The following TAF1 variants were observed in gnomAD, a reference collection of about 807,000 sequenced individuals.
TAF1 encodes TATA-box binding protein associated factor 1.
A neutral mutation model predicts 138.5 loss-of-function variants in TAF1; 2 were observed. The ratio of observed to expected loss-of-function variants is 0.01; its 90% confidence interval spans 0.01 to 0.05. The LOEUF is 0.05. TAF1 is among the 10% of genes least tolerant of loss of function. The probability of loss-of-function intolerance (pLI) is 1.00; values close to 1 mark genes in which losing one functional copy is unlikely to be tolerated. For synonymous variants in TAF1, 437 were observed against 503.2 expected, an observed-to-expected ratio of 0.87 and a Z score of 1.76; for missense variants, 709 against 1,478.0, an observed-to-expected ratio of 0.48 and a Z score of 8.53.
intron 4 of TAF1, among the ~76,000 whole-genome samples, chrX:71,375,916 G>A (rs2033440644): frequency 8.9e-6 from 1 of 112,720 alleles, no homozygotes; most frequent in South Asian, 3.6e-4. Context: ...ACTGGTATTT[G>A]GAAACTACTT....
intron 13 of TAF1, among the ~76,000 whole-genome samples, chrX:71,476,890 A>G (rs1030186534): frequency 1.8e-4 from 20 of 111,002 alleles, no homozygotes; most frequent in Non-Finnish European, 3.4e-4. Flanking sequence ...ACATCACGCA[A>G]AAATCAATCT....
intron 28 of TAF1, among the ~76,000 whole-genome samples, chrX:71,411,431 A>T (rs1043271139): frequency 1.8e-5 from 2 of 111,326 alleles, no homozygotes; most frequent in Non-Finnish European, 3.8e-5. Context: ...GTGAACCAAG[A>T]TCGCACCATG....
chrX:71,508,086 C>CTCTCTCTCTCTCTCTATATATA (rs4040068), intron 13 of TAF1, among the ~76,000 whole-genome samples: 21 of 92,175 alleles, frequency 2.3e-4, no homozygotes, highest in African/African-American at 4.3e-4. Flanking sequence ...CTCTCTCTCT[C>CTCTCTCTCTCTCTCTATATATA]TATATATATA....
At chrX:71,407,521 A>ATGTGGATTTTTGTC (rs776774216) in intron 26 of TAF1, 53 bp from the exon 27 acceptor site, 54 of 1,104,329 alleles carry the variant, frequency 4.9e-5, no homozygotes, top group Non-Finnish European at 6.1e-5. Context: ...CCTGGACAGA[A>ATGTGGATTTTTGTC]TGTGGATTTT....
At chrX:71,367,979 T>G in intron 2 of TAF1, 75 bp from the exon 3 acceptor site, 1 of 1,068,656 alleles carries the variant, frequency 9.4e-7, no homozygotes, top group East Asian at 3.0e-5. Flanking sequence ...CCTGTACATG[T>G]ACTTTTAAAT....
At chrX:71,389,977 C>T (rs911900213) in intron 18 of TAF1, among the ~76,000 whole-genome samples, 11 of 110,675 alleles carry the variant, frequency 9.9e-5, no homozygotes, top group African/African-American at 3.3e-4. Flanking sequence ...GCAATTCTCG[C>T]GATTCTCCTG....
At chrX:71,411,414 G>A (rs1484657529) in intron 28 of TAF1, among the ~76,000 whole-genome samples, 1 of 111,548 alleles carries the variant, frequency 9.0e-6, no homozygotes, top group African/African-American at 3.3e-5. Context: ...GGGAGGTGGA[G>A]GTTGAAGTGA....
chrX:71,374,693 C>T (rs2033343642), intron 3 of TAF1, among the ~76,000 whole-genome samples: 1 of 110,277 alleles, frequency 9.1e-6, no homozygotes, highest in South Asian at 3.8e-4. Context: ...GTGATCTGCC[C>T]ATCTTGGCCT....
At chrX:71,400,302 G>T (rs1467050122) in intron 24 of TAF1, among the ~76,000 whole-genome samples, 3 of 110,513 alleles carry the variant, frequency 2.7e-5, no homozygotes, top group African/African-American at 9.9e-5. Flanking sequence ...TGTTGGCCAG[G>T]CTAATCTCAA....
intron 28 of TAF1, among the ~76,000 whole-genome samples, chrX:71,418,039 T>G (rs2148562499): frequency 8.9e-6 from 1 of 112,317 alleles, no homozygotes; most frequent in East Asian, 2.8e-4. Context: ...TTATACTCTG[T>G]CTTGCAATAA....
intron 32 of TAF1, among the ~76,000 whole-genome samples, chrX:71,435,842 C>T (rs1010964782): frequency 1.6e-4 from 18 of 110,132 alleles, no homozygotes; most frequent in African/African-American, 5.9e-4. Flanking sequence ...AAGATCTTCC[C>T]TACCCCCAAG....
At chrX:71,523,526 G>A (rs1293845503) in intron 13 of TAF1, among the ~76,000 whole-genome samples, 1 of 111,737 alleles carries the variant, frequency 8.9e-6, no homozygotes, top group Non-Finnish European at 1.9e-5. Context: ...ATTGTATTAT[G>A]ACAGGGTATA....
chrX:71,523,018 CA>C lies in TAF1; in HGVS notation c.1367-5518del, dbSNP rs748281534. Among the ~76,000 whole-genome samples, 11 of 108,031 alleles carry C rather than the reference CA, an allele frequency of 1.0e-4. No homozygotes were observed. The East Asian group carries it at 3.2e-3, about 31-fold the overall frequency. The allele number at this position is 108,031 out of a possible 115,157, so 93.8% of individuals were successfully genotyped here. A position where few individuals can be genotyped will look rare whatever the true frequency, so the allele number is the denominator to read the frequency against. Reference sequence around the variant, plus strand: ...GCAACATAGCGAAACACTGTCTCTACAAAAAATACAAAAATTAGCTGCGCAT... The same window carrying C: ...GCAACATAGCGAAACACTGTCTCTACAAAAATACAAAAATTAGCTGCGCAT... On this transcript the variant is annotated intron_variant and NMD_transcript_variant, in intron 13 of 14. Coordinates refer to the TAF1 transcript ENST00000373775.
intron 32 of TAF1, among the ~76,000 whole-genome samples, chrX:71,444,593 C>T (rs978134049): frequency 6.3e-5 from 7 of 110,433 alleles, no homozygotes; most frequent in South Asian, 3.8e-4. Context: ...TGTGCATGCC[C>T]GTAGTCCCAG....
Position 71,444,370 on chromosome X carries a change from T to C in TAF1, c.4754-9800T>C, listed in dbSNP as rs915349822. Among the ~76,000 whole-genome samples the C allele has an allele frequency of 4.5e-5, 5 of 111,416 alleles. No individual in the cohort carries two copies. In the South Asian group the frequency reaches 1.1e-3, roughly 25 times the overall value. On this transcript the variant is annotated intron_variant, in intron 32 of 37. Coordinates refer to ENST00000423759, the MANE Select transcript of TAF1 (RefSeq NM_004606.5). The stretch of plus-strand genomic sequence containing the variant: ...CTAGGTATAAGACCTTTATTACATA[T>C]ATGATTTGCAGAGATTTTCTCCCCA...
At chrX:71,488,380 A>G (rs1024412649) in intron 13 of TAF1, among the ~76,000 whole-genome samples, 1 of 106,721 alleles carries the variant, frequency 9.4e-6, no homozygotes, top group African/African-American at 3.4e-5. Flanking sequence ...AGTAGCTGGG[A>G]CTACAGTTGT....
At chrX:71,378,771 A>G in intron 7 of TAF1, 53 bp from the exon 8 acceptor site, 1 of 1,145,812 alleles carries the variant, frequency 8.7e-7, no homozygotes, top group Non-Finnish European at 1.2e-6. Context: ...TTGGAGTGGA[A>G]ACCTTGACCA....
At chrX:71,448,797 G>GTTTTCT (rs1169658561) in intron 32 of TAF1, among the ~76,000 whole-genome samples, 1 of 105,173 alleles carries the variant, frequency 9.5e-6, no homozygotes, top group South Asian at 4.1e-4. Context: ...TATTTCTTTT[G>GTTTTCT]TTTTCTTTTT....
At chrX:71,389,215 A>T (rs950612252) in intron 17 of TAF1, among the ~76,000 whole-genome samples, 2 of 111,647 alleles carry the variant, frequency 1.8e-5, no homozygotes, top group African/African-American at 6.5e-5. Flanking sequence ...GTAGGCAGAG[A>T]TGATGATGGT....
Sources: gnomAD v4.1 joint callset for allele counts (sites outside exome capture counted in the v4.1 genomes callset) on GRCh38, gnomAD v4.1.1 for gene constraint, MANE v1.5 for transcripts, NCBI Gene and HGNC (gene_info 2026-07-23, HGNC 2026-07-21) for gene names.